The following LARGE1 variants were observed in gnomAD, a reference collection of about 807,000 sequenced individuals.
The protein encoded by LARGE1 is LARGE xylosyl- and glucuronyltransferase 1.
Under a neutral mutation model 87.6 loss-of-function variants are expected in LARGE1, and 43 were observed. The observed-to-expected ratio is 0.49, with a 90% CI of 0.38 to 0.63. The LOEUF is 0.63. Ranked by LOEUF, LARGE1 falls within the 30% of genes least tolerant of loss-of-function variation. The pLI, the probability that LARGE1 is intolerant of heterozygous loss-of-function variation, is 0.00. For missense variants in LARGE1, 802 were observed against 1,000.2 expected (o/e 0.80, Z 2.67); for synonymous variants, 434 against 394.6 (o/e 1.10, Z -1.18).
chr22:33,550,661 A>T (rs1211040579), intron 6 of LARGE1, among the ~76,000 whole-genome samples: 1 of 152,196 alleles, frequency 6.6e-6, no homozygotes, highest in Non-Finnish European at 1.5e-5. Flanking sequence ...CTAACAATAG[A>T]ACTACCATTC....
At chr22:33,164,398 T>C (rs1192246395) in exon 12 of LARGE1, 2 of 152,206 alleles carry the variant, frequency 1.3e-5, no homozygotes, top group African/African-American at 4.8e-5. Context: ...TCAGATGTTA[T>C]TGGTTATTTC....
chr22:33,116,946 A>G, the LARGE1 span, among the ~76,000 whole-genome samples: 1 of 152,226 alleles, frequency 6.6e-6, no homozygotes, highest in Non-Finnish European at 1.5e-5. Flanking sequence ...GAAAGGTCAC[A>G]ACTAATCTTT....
At chr22:33,543,856 C>T (rs2077280166) in intron 6 of LARGE1, among the ~76,000 whole-genome samples, 1 of 152,220 alleles carries the variant, frequency 6.6e-6, no homozygotes, top group Non-Finnish European at 1.5e-5. Context: ...GCTTGCAAGA[C>T]TGGCCCTTGG....
At chr22:33,674,582 C>A (rs917561604) in intron 2 of LARGE1, among the ~76,000 whole-genome samples, 5 of 152,192 alleles carry the variant, frequency 3.3e-5, no homozygotes, top group Non-Finnish European at 7.4e-5. Context: ...CACTCCCACT[C>A]TCAGTGCCCC....
At chr22:33,556,124 C>T (rs2077668567) in intron 6 of LARGE1, among the ~76,000 whole-genome samples, 1 of 152,004 alleles carries the variant, frequency 6.6e-6, no homozygotes. Flanking sequence ...GCAATGCTTT[C>T]CCTAAAATGT....
chr22:33,432,595 T>TCATGCATGCATG lies in LARGE1; in HGVS notation c.788-342_788-331dup, dbSNP rs1555916106. Among the ~76,000 whole-genome samples, 1,384 of 147,214 alleles carry TCATGCATGCATG rather than the reference T, an allele frequency of 9.4e-3. 9 individuals carry two copies. The highest frequency in any genetic ancestry group is 0.015 in the Non-Finnish European group (1,024 of 66,336). The stretch of plus-strand genomic sequence containing the variant: ...TTCATTCATTCATTCATTCATTCAT[T>TCATGCATGCATG]CATGCATGCATGCATGCATTTCTTT... On this transcript the variant is annotated intron_variant, in intron 6 of 14. Coordinates refer to ENST00000397394, the MANE Select transcript of LARGE1 (RefSeq NM_133642.5).
At position 33,816,160 on chromosome 22, in the gene LARGE1, G is replaced by A. The variant is rs112362872; in HGVS notation, c.-82-54602C>T. Among the ~76,000 whole-genome samples the A allele has an allele frequency of 4.6e-3, 705 of 152,266 alleles. 3 individuals are homozygous for A. The highest frequency in any genetic ancestry group is 0.015 in the African/African-American group (638 of 41,556). ...CGAGCAACCTCTGTGGGCTGCGGGC[G>A]AAGAAATGAAGAGCAAAAATTCATC... On this transcript the variant is annotated intron_variant, in intron 1 of 14. Transcript: ENST00000397394.
intron 1 of LARGE1, among the ~76,000 whole-genome samples, chr22:33,856,521 T>C (rs945920435): frequency 5.3e-5 from 8 of 152,194 alleles, no homozygotes; most frequent in Non-Finnish European, 1.0e-4. Context: ...CAGGTCCCTG[T>C]GAGGCAGCCA....
At chr22:33,450,548 G>A (rs1299865980) in intron 6 of LARGE1, among the ~76,000 whole-genome samples, 1 of 151,976 alleles carries the variant, frequency 6.6e-6, no homozygotes, top group Non-Finnish European at 1.5e-5. Context: ...AGCAGGCAGA[G>A]GCTGCAGTGA....
intron 11 of LARGE1, among the ~76,000 whole-genome samples, chr22:33,167,933 C>A (rs1363115827): frequency 6.6e-6 from 1 of 152,188 alleles, no homozygotes; most frequent in African/African-American, 2.4e-5. Flanking sequence ...CCCCAATTAA[C>A]AAAATGATGC....
chr22:33,104,945 T>TTCTTTCTTTCTCTTTC, the LARGE1 span, among the ~76,000 whole-genome samples: 2 of 137,564 alleles, frequency 1.5e-5, no homozygotes, highest in Non-Finnish European at 3.1e-5. Context: ...CTTTCTTTCT[T>TTCTTTCTTTCTCTTTC]TCTCTTTCTC....
intron 2 of LARGE1, among the ~76,000 whole-genome samples, chr22:33,738,056 T>A (rs1281682647): frequency 6.6e-6 from 1 of 152,116 alleles, no homozygotes; most frequent in East Asian, 1.9e-4. Context: ...TCTGGGGGTG[T>A]GGAGGTGGAG....
chr22:33,911,445 G>A (rs1052769763), intron 1 of LARGE1, among the ~76,000 whole-genome samples: 7 of 152,110 alleles, frequency 4.6e-5, no homozygotes, highest in South Asian at 2.1e-4. Flanking sequence ...CAATATGGTC[G>A]AGGAGAGTTC....
chr22:33,922,357 C>T (rs2065972974), upstream of LARGE1: 1 of 152,210 alleles, frequency 6.6e-6, no homozygotes. Flanking sequence ...ACACTCTCGG[C>T]CTTTGGCTTT....
At position 33,784,847 on chromosome 22, in the gene LARGE1, TAGAC is replaced by T. The variant is rs754524933; in HGVS notation, c.-82-23293_-82-23290del. On this transcript the variant is annotated intron_variant, in intron 1 of 14. Transcript: ENST00000397394. ...CACATATATGTATAATATACACACA[TAGAC>T]AGTTTATATTTGTACGTATTTATAC... is the stretch of plus-strand genomic sequence containing the variant. Among the ~76,000 whole-genome samples the T allele has an allele frequency of 6.7e-4, 101 of 151,426 alleles. 3 individuals are homozygous for T. The highest frequency in any genetic ancestry group is 4.1e-3 in the East Asian group (21 of 5,156).
chr22:33,786,356 T>A (rs1234293001), intron 1 of LARGE1, among the ~76,000 whole-genome samples: 1 of 152,202 alleles, frequency 6.6e-6, no homozygotes, highest in African/African-American at 2.4e-5. Flanking sequence ...CAAAGTGAGA[T>A]TCAATATTGC....
intron 2 of LARGE1, among the ~76,000 whole-genome samples, chr22:33,750,008 A>C (rs954906403): frequency 3.9e-5 from 6 of 152,158 alleles, no homozygotes; most frequent in African/African-American, 9.7e-5. Context: ...ATAAAATGGG[A>C]CAAGGATGAA....
At chr22:33,175,119 A>G (rs1206114752) in intron 11 of LARGE1, among the ~76,000 whole-genome samples, 1 of 152,232 alleles carries the variant, frequency 6.6e-6, no homozygotes, top group Admixed American at 6.5e-5. Context: ...CAGCACATCA[A>G]AAAGCTAATC....
At chr22:33,317,139 A>T (rs985611888) in intron 10 of LARGE1, among the ~76,000 whole-genome samples, 1 of 151,984 alleles carries the variant, frequency 6.6e-6, no homozygotes, top group Non-Finnish European at 1.5e-5. Context: ...TCCTGAACCC[A>T]GGAGGCAGAG....
Sources: gnomAD v4.1 joint callset for allele counts (sites outside exome capture counted in the v4.1 genomes callset) on GRCh38, gnomAD v4.1.1 for gene constraint, MANE v1.5 for transcripts, NCBI Gene and HGNC (gene_info 2026-07-23, HGNC 2026-07-21) for gene names.